The following PTPN12 variants were observed in gnomAD, a reference collection of about 807,000 sequenced individuals.
The protein encoded by PTPN12 is protein tyrosine phosphatase non-receptor type 12.
In PTPN12, 29 loss-of-function variants were observed where a neutral mutation model predicts 97.6. The observed-to-expected ratio is 0.30, with a 90% CI of 0.22 to 0.41. The LOEUF (loss-of-function observed/expected upper bound fraction) is 0.41. Among genes scored for constraint, PTPN12 ranks in the 10% least tolerant of loss-of-function variants. The pLI, the probability that PTPN12 is intolerant of heterozygous loss-of-function variation, is 1.00. For missense variants in PTPN12, 819 were observed against 926.0 expected, an observed-to-expected ratio of 0.88 and a Z score of 1.50; for synonymous variants, 327 against 300.4, an observed-to-expected ratio of 1.09 and a Z score of -0.91.
rs935006646 is a variant in PTPN12 at position 77,597,695 on chromosome 7, T to C, written c.493-147T>C. The C allele has an allele frequency of 1.2e-5, 13 of 1,102,380 alleles. No individual in the cohort carries two copies. The Admixed American group carries it at 3.0e-4, about 25-fold the overall frequency. The allele number at this position is 1,102,380 out of a possible 1,614,324, so 68.3% of individuals were successfully genotyped here. On this transcript the variant is annotated intron_variant, in intron 6 of 17. Coordinates refer to ENST00000248594, the MANE Select transcript of PTPN12 (RefSeq NM_002835.4). ...AAACATTTCAAATGTTTGATGACTT[T>C]TAGAATTTTTTTATAATTATCAGGT...
intron 14 of PTPN12, among the ~76,000 whole-genome samples, chr7:77,634,645 G>T (rs548526822): frequency 6.6e-6 from 1 of 151,362 alleles, no homozygotes; most frequent in African/African-American, 2.4e-5. Context: ...GGGTTTCACC[G>T]TGTTAGCCAG....
chr7:77,570,324 T>G (rs1192116951), intron 1 of PTPN12, among the ~76,000 whole-genome samples: 1 of 152,222 alleles, frequency 6.6e-6, no homozygotes, highest in African/African-American at 2.4e-5. Context: ...TAATAATTTG[T>G]TGAATGGTAA....
rs1028826620 is a variant in PTPN12, at chr7:77,637,717, C to T, written c.2173+669C>T. Reference sequence around the variant, plus strand: ...ACTAAAAATAAAAAAAATAGCTAGGCGTCATGCCATCTGCCTGTAATCCCA... The same window carrying T: ...ACTAAAAATAAAAAAAATAGCTAGGTGTCATGCCATCTGCCTGTAATCCCA... On this transcript the variant is annotated intron_variant, in intron 16 of 17. Coordinates refer to ENST00000248594, the MANE Select transcript of PTPN12 (RefSeq NM_002835.4). Among the ~76,000 whole-genome samples the T allele has an allele frequency of 4.1e-4, 62 of 151,306 alleles. 1 individual carries two copies. The highest frequency in any genetic ancestry group is 2.1e-4 in the Non-Finnish European group (14 of 67,880).
At chr7:77,541,289 C>T (rs1400250252) in intron 1 of PTPN12, among the ~76,000 whole-genome samples, 2 of 152,032 alleles carry the variant, frequency 1.3e-5, no homozygotes, top group Non-Finnish European at 2.9e-5. Flanking sequence ...ACAGGGTTTC[C>T]CCATGTTGCC....
intron 1 of PTPN12, among the ~76,000 whole-genome samples, chr7:77,551,835 T>C (rs530539022): frequency 2.4e-4 from 37 of 152,336 alleles, no homozygotes; most frequent in African/African-American, 8.4e-4. Flanking sequence ...TCATCAGACA[T>C]GTTATAAGAA....
At position 77,598,052 on chromosome 7, in the gene PTPN12, A is replaced by C. The variant is rs565319644; in HGVS notation, c.552+151A>C. 33 of 1,069,014 alleles carry C rather than the reference A, an allele frequency of 3.1e-5. 1 individual carries two copies. In the African/African-American group the frequency reaches 3.1e-4, roughly 10 times the overall value. The allele number at this position is 1,069,014 out of a possible 1,614,324, so 66.2% of individuals were successfully genotyped here. ...AGACTAGCCTGGGCAACATAGTGAGATCTTGTGTCTACAAAAAGAAAAAAG... is the reference window on the plus strand; with the variant it reads ...AGACTAGCCTGGGCAACATAGTGAGCTCTTGTGTCTACAAAAAGAAAAAAG... On this transcript the variant is annotated intron_variant, in intron 7 of 17. Coordinates refer to ENST00000248594, the MANE Select transcript of PTPN12 (RefSeq NM_002835.4).
At chr7:77,607,420 G>T in intron 9 of PTPN12, 119 bp downstream of exon 9, 3 of 752,534 alleles carry the variant, frequency 4.0e-6, no homozygotes, top group Non-Finnish European at 4.2e-6. Flanking sequence ...TTCCAAAGTA[G>T]TTTTATTAAG....
chr7:77,564,922 T>C (rs537539524), intron 1 of PTPN12, among the ~76,000 whole-genome samples: 1 of 146,070 alleles, frequency 6.8e-6, no homozygotes, highest in Admixed American at 6.8e-5. Context: ...CATGCCCAGC[T>C]AATTTTTGTA....
At chr7:77,637,846 A>C (rs1478541552) in intron 16 of PTPN12, among the ~76,000 whole-genome samples, 1 of 120,742 alleles carries the variant, frequency 8.3e-6, no homozygotes, top group East Asian at 3.3e-4. Flanking sequence ...AACAAGAGGG[A>C]AACTCCGTCT....
intron 2 of PTPN12, among the ~76,000 whole-genome samples, chr7:77,571,946 C>T (rs979296922): frequency 6.6e-6 from 1 of 152,190 alleles, no homozygotes; most frequent in East Asian, 1.9e-4. Flanking sequence ...CCAGTAAAAG[C>T]TATACGTCAT....
chr7:77,574,037 CT>C (rs139475550), intron 2 of PTPN12, among the ~76,000 whole-genome samples: 2,790 of 152,294 alleles, frequency 0.018, 34 homozygotes, highest in Middle Eastern at 0.071. Context: ...TTACAGAAAG[CT>C]TCTGAGGGTG....
intron 5 of PTPN12, among the ~76,000 whole-genome samples, chr7:77,591,514 G>T (rs1427464422): frequency 6.6e-6 from 1 of 152,162 alleles, no homozygotes; most frequent in East Asian, 1.9e-4. Context: ...GGTAAGAGGA[G>T]AAATTATTTG....
intron 2 of PTPN12, among the ~76,000 whole-genome samples, 170 bp from the exon 3 acceptor site, chr7:77,581,257 A>G (rs1049418084): frequency 6.6e-6 from 1 of 151,944 alleles, no homozygotes; most frequent in African/African-American, 2.4e-5. Context: ...AATTTATTTC[A>G]TTTCCTTTCA....
chr7:77,621,819 G>A (rs951007243), intron 12 of PTPN12, among the ~76,000 whole-genome samples: 3 of 152,166 alleles, frequency 2.0e-5, no homozygotes, highest in Admixed American at 1.3e-4. Context: ...CGTGAATGAC[G>A]CATTTTGCTA....
At chr7:77,546,008 T>C (rs1807203538) in intron 1 of PTPN12, among the ~76,000 whole-genome samples, 1 of 152,180 alleles carries the variant, frequency 6.6e-6, no homozygotes. Flanking sequence ...CTCAGCTCAC[T>C]GCAACCTCCG....
intron 2 of PTPN12, among the ~76,000 whole-genome samples, chr7:77,575,489 CAG>C (rs890272896): frequency 3.9e-5 from 6 of 152,132 alleles, no homozygotes; most frequent in South Asian, 2.1e-4. Context: ...GCCTGGGTAA[CAG>C]AGCGAGACTG....
rs1457214747 is a variant in PTPN12, at chr7:77,637,028, C to A, written c.2153C>A (p.Thr718Asn). The change falls in exon 16 of 18, where the codon ACC becomes AAC. Residue 718 changes from threonine to asparagine, a missense_variant. Coordinates refer to ENST00000248594, the MANE Select transcript of PTPN12 (RefSeq NM_002835.4). Reference sequence around the variant, plus strand: ...ATGTCTTCCTCGTAGGGCTTGATAACCTCTGAAAATGAGAAATGTGGTAAG... The same window carrying A: ...ATGTCTTCCTCGTAGGGCTTGATAAACTCTGAAAATGAGAAATGTGGTAAG... Reference protein sequence around the residue: ...SEQKKSEGLITSENEKCDHPA... With the variant: ...SEQKKSEGLINSENEKCDHPA... The A allele has an allele frequency of 6.2e-7, 1 of 1,606,870 alleles. No individual in the cohort carries two copies. The highest frequency in any genetic ancestry group is 1.3e-5 in the African/African-American group (1 of 74,696).
chr7:77,625,526 TCTCACTCTCA>T (rs1789134987), intron 12 of PTPN12, among the ~76,000 whole-genome samples: 2 of 112,538 alleles, frequency 1.8e-5, no homozygotes, highest in Non-Finnish European at 3.6e-5. Context: ...TCTCTCTCAC[TCTCACTCTCA>T]CTCGCGCTCT....
intron 2 of PTPN12, among the ~76,000 whole-genome samples, chr7:77,573,679 C>G (rs1291763280): frequency 6.6e-6 from 1 of 152,196 alleles, no homozygotes. Flanking sequence ...TGGAATTATT[C>G]ATGCACACAT....
Sources: allele counts gnomAD v4.1 joint callset (sites outside exome capture counted in the v4.1 genomes callset), GRCh38; gene constraint gnomAD v4.1.1; transcripts MANE v1.5; gene names NCBI Gene and HGNC (gene_info 2026-07-23, HGNC 2026-07-21).